The following EDA variants were observed in gnomAD, a reference collection of about 807,000 sequenced individuals.
EDA encodes ectodysplasin A.
In EDA, 2 loss-of-function variants were observed where a neutral mutation model predicts 23.6. The ratio of observed to expected loss-of-function variants is 0.08; its 90% CI spans 0.03 to 0.27. EDA has a LOEUF of 0.27. Among genes scored for constraint, EDA ranks in the 10% least tolerant of loss-of-function variants. The pLI is 1.00. For synonymous variants in EDA, 131 were observed against 132.0 expected (o/e 0.99, Z 0.05); for missense variants, 229 against 324.2 (o/e 0.71, Z 2.26).
chrX:69,768,131 C>T (rs1200788982), intron 1 of EDA, among the ~76,000 whole-genome samples: 3 of 111,289 alleles, frequency 2.7e-5, no homozygotes, highest in African/African-American at 9.8e-5. Context: ...TAGTTTTCCC[C>T]ATCTGTGGCT....
intron 1 of EDA, among the ~76,000 whole-genome samples, chrX:69,700,789 A>G (rs980377592): frequency 5.4e-5 from 6 of 111,124 alleles, no homozygotes; most frequent in Non-Finnish European, 7.5e-5. Context: ...GAAAGGTTGC[A>G]TGTTTTAAAG....
intron 1 of EDA, among the ~76,000 whole-genome samples, chrX:69,892,543 A>G (rs964010053): frequency 2.7e-5 from 3 of 111,979 alleles, no homozygotes; most frequent in Non-Finnish European, 5.6e-5. Flanking sequence ...TTCTAATAAC[A>G]TATTTGAATG....
chrX:69,918,960 A>T (rs1023833764), intron 1 of EDA, among the ~76,000 whole-genome samples: 2 of 109,259 alleles, frequency 1.8e-5, no homozygotes, highest in Non-Finnish European at 3.8e-5. Context: ...AAAGCCACTG[A>T]TAATTTATTG....
chrX:70,030,271 ATAGC>A (rs943959191), intron 5 of EDA, among the ~76,000 whole-genome samples, 194 bp from the exon 6 acceptor site: 4 of 112,452 alleles, frequency 3.6e-5, no homozygotes, highest in African/African-American at 1.3e-4. Context: ...TTGAGGTCAC[ATAGC>A]TAGGAAGCGG....
chrX:69,713,033 A>G (rs962596476), intron 1 of EDA, among the ~76,000 whole-genome samples: 2 of 89,415 alleles, frequency 2.2e-5, no homozygotes, highest in Non-Finnish European at 4.2e-5. Context: ...TGGACACAGG[A>G]AGGGGAACAT....
intron 1 of EDA, among the ~76,000 whole-genome samples, chrX:69,880,352 A>T (rs1476526798): frequency 8.9e-6 from 1 of 112,417 alleles, no homozygotes; most frequent in African/African-American, 3.2e-5. Context: ...ACAGAGCCAG[A>T]CCATGACCAG....
intron 1 of EDA, among the ~76,000 whole-genome samples, chrX:69,815,244 CA>C (rs2016051168): frequency 1.8e-5 from 2 of 111,719 alleles, no homozygotes; most frequent in Admixed American, 1.9e-4. Flanking sequence ...CCAGATGTTC[CA>C]GAGGAGGAGA....
At chrX:69,909,162 T>G (rs147417682) in intron 1 of EDA, among the ~76,000 whole-genome samples, 59 of 111,736 alleles carry the variant, frequency 5.3e-4, no homozygotes, top group African/African-American at 1.7e-3. Context: ...TTCTCATATC[T>G]TCCTTCCTTT....
chrX:69,693,955 C>T (rs1296154520), intron 1 of EDA, among the ~76,000 whole-genome samples: 3 of 111,830 alleles, frequency 2.7e-5, no homozygotes, highest in Non-Finnish European at 5.6e-5. Context: ...TCAAATGGAC[C>T]ATCAGAAAGT....
intron 1 of EDA, among the ~76,000 whole-genome samples, chrX:69,896,494 C>A (rs2147638169): frequency 9.1e-6 from 1 of 109,742 alleles, no homozygotes; most frequent in East Asian, 2.9e-4. Context: ...TTTCGTACAA[C>A]ATACAAATTT....
At chrX:70,034,364 G>T (rs2020236667) in intron 7 of EDA, among the ~76,000 whole-genome samples, 1 of 111,689 alleles carries the variant, frequency 9.0e-6, no homozygotes, top group Non-Finnish European at 1.9e-5. Context: ...TGTAGCTTGG[G>T]TCCTGACCCG....
In EDA at chrX:69,875,260, A is replaced by G. The variant is rs564539926; in HGVS notation, c.397-81767A>G. On this transcript the variant is annotated intron_variant, in intron 1 of 7. Coordinates refer to ENST00000374552, the MANE Select transcript of EDA (RefSeq NM_001399.5). Reference sequence around the variant, plus strand: ...ATAAGGCTATAGTCACCAAAACAGCATGGTGCTGATATAAAAATAGGCACA... The same window carrying G: ...ATAAGGCTATAGTCACCAAAACAGCGTGGTGCTGATATAAAAATAGGCACA... Among the ~76,000 whole-genome samples the G allele has an allele frequency of 1.2e-4, 14 of 112,302 alleles. No individual in the cohort carries two copies. The South Asian group carries it at 4.8e-3, about 39-fold the overall frequency.
At chrX:69,793,780 AT>A (rs1266081281) in intron 1 of EDA, among the ~76,000 whole-genome samples, 1 of 109,719 alleles carries the variant, frequency 9.1e-6, no homozygotes, top group Non-Finnish European at 1.9e-5. Context: ...CTGCTTACCC[AT>A]ACTCTAGCTG....
chrX:69,742,671 C>T (rs1203194275), intron 1 of EDA, among the ~76,000 whole-genome samples: 3 of 111,375 alleles, frequency 2.7e-5, no homozygotes, highest in African/African-American at 9.8e-5. Flanking sequence ...TTCTTTTCCT[C>T]AACTTTTGGT....
rs189505120 is a variant in EDA at position 69,910,848 on chromosome X, G to A, written c.397-46179G>A. Among the ~76,000 whole-genome samples, 124 of 111,401 alleles carry A rather than the reference G, an allele frequency of 1.1e-3. 1 individual carries two copies. Among genetic ancestry groups the A allele is most frequent in the Non-Finnish European group, 5.1e-4 (27 of 53,067 alleles). On this transcript the variant is annotated intron_variant, in intron 1 of 7. Coordinates refer to ENST00000374552, the MANE Select transcript of EDA (RefSeq NM_001399.5). ...TATGCAGATATGTTTTCCTTTATACGCTGAAGCATAATTAACAATAGCTGC... is the reference window on the plus strand; with the variant it reads ...TATGCAGATATGTTTTCCTTTATACACTGAAGCATAATTAACAATAGCTGC...
At chrX:70,029,670 A>G (rs1171827018) in intron 5 of EDA, 132 bp downstream of exon 5, 2 of 681,476 alleles carry the variant, frequency 2.9e-6, no homozygotes, top group Non-Finnish European at 2.3e-6. Context: ...GACGGTTTTC[A>G]CTCACAGCCC....
intron 1 of EDA, among the ~76,000 whole-genome samples, chrX:69,623,659 C>CTT (rs1195923120): frequency 9.9e-6 from 1 of 100,912 alleles, no homozygotes; most frequent in Non-Finnish European, 2.1e-5. Context: ...TAGGTATTTT[C>CTT]TTTTTTTTCT....
At chrX:69,919,999 T>C (rs2018404317) in intron 1 of EDA, among the ~76,000 whole-genome samples, 1 of 111,185 alleles carries the variant, frequency 9.0e-6, no homozygotes, top group Admixed American at 9.6e-5. Flanking sequence ...ATTTTGCATG[T>C]CACTGCAGTG....
rs182856815 is a variant in EDA at position 69,632,426 on chromosome X, A to G, written c.396+15722A>G. Among the ~76,000 whole-genome samples, 165 of 112,350 alleles carry G rather than the reference A, an allele frequency of 1.5e-3. 1 individual carries two copies. Among genetic ancestry groups the G allele is most frequent in the Non-Finnish European group, 2.5e-3 (135 of 53,271 alleles). On this transcript the variant is annotated intron_variant, in intron 1 of 7. Transcript: ENST00000374552. ...ATTAGCCCTACCATTTGGCTTTATC[A>G]GTTCTACATGAAAGACTGTTGAATA...
Sources: allele counts gnomAD v4.1 joint callset (sites outside exome capture counted in the v4.1 genomes callset), GRCh38; gene constraint gnomAD v4.1.1; transcripts MANE v1.5; gene names NCBI Gene and HGNC (gene_info 2026-07-23, HGNC 2026-07-21).